NFIA: variants seen among roughly 807,000 people sequenced by gnomAD.
NFIA encodes nuclear factor I A, also known as nuclear factor 1 A-type.
NFIA carries 8 observed loss-of-function variants against 62.8 expected under a neutral mutation model. The observed-to-expected ratio is 0.13, with a 90% CI of 0.07 to 0.23. The LOEUF is 0.23. NFIA is among the 10% of genes least tolerant of loss of function. The pLI is 1.00. For synonymous variants in NFIA, 235 were observed against 238.1 expected, an observed-to-expected ratio of 0.99 and a Z score of 0.12; for missense variants, 410 against 642.1, an observed-to-expected ratio of 0.64 and a Z score of 3.91.
intron 9 of NFIA, among the ~76,000 whole-genome samples, chr1:61,422,614 C>A: frequency 6.6e-6 from 1 of 152,016 alleles, no homozygotes; most frequent in Non-Finnish European, 1.5e-5. Flanking sequence ...CCGTTCAGTC[C>A]TCTCAGGGAC....
intron 2 of NFIA, among the ~76,000 whole-genome samples, chr1:61,273,442 G>T (rs759718375): frequency 9.9e-5 from 15 of 152,180 alleles, no homozygotes; most frequent in Middle Eastern, 3.4e-3. Context: ...TCCCTTGCCA[G>T]GTCTCAAGAA....
intron 2 of NFIA, among the ~76,000 whole-genome samples, chr1:61,185,521 G>A (rs538780550): frequency 6.6e-6 from 1 of 151,864 alleles, no homozygotes; most frequent in Non-Finnish European, 1.5e-5. Context: ...ACTCTTCTGC[G>A]TAAGAACCTC....
intron 2 of NFIA, among the ~76,000 whole-genome samples, chr1:61,220,580 A>G (rs1336449005): frequency 2.0e-5 from 3 of 152,224 alleles, no homozygotes; most frequent in African/African-American, 7.2e-5. Flanking sequence ...AAACATATGA[A>G]TCCATTTAAT....
upstream of NFIA, among the ~76,000 whole-genome samples, chr1:61,080,243 A>G (rs1168383837): frequency 2.0e-5 from 3 of 152,282 alleles, no homozygotes; most frequent in African/African-American, 7.2e-5. Context: ...CAACAAAAGA[A>G]GTTTTTAAAG....
chr1:61,175,952 G>C (rs908730752), intron 2 of NFIA, among the ~76,000 whole-genome samples: 1 of 152,224 alleles, frequency 6.6e-6, no homozygotes, highest in Non-Finnish European at 1.5e-5. Flanking sequence ...AATTAATGCA[G>C]AGTGCCCCGG....
intron 2 of NFIA, among the ~76,000 whole-genome samples, chr1:61,141,653 T>C (rs1254286824): frequency 6.6e-6 from 1 of 152,244 alleles, no homozygotes; most frequent in East Asian, 1.9e-4. Flanking sequence ...TTAAGTTCTG[T>C]GTGACTCAGC....
chr1:61,245,389 C>T (rs1655577563), intron 2 of NFIA, among the ~76,000 whole-genome samples: 1 of 152,112 alleles, frequency 6.6e-6, no homozygotes, highest in South Asian at 2.1e-4. Flanking sequence ...AAAGTCCTAA[C>T]TATAGGCAAC....
Position 61,270,414 on chromosome 1 carries a change from A to C in NFIA, c.560-7106A>C, listed in dbSNP as rs547241920. Among the ~76,000 whole-genome samples, 15 of 149,710 alleles carry C rather than the reference A, an allele frequency of 1.0e-4. No individual in the cohort carries two copies. The South Asian group carries it at 3.2e-3, about 32-fold the overall frequency. On this transcript the variant is annotated intron_variant, in intron 2 of 10. Transcript: ENST00000403491. ...GGAATATGAATGCAAGAAAATTAGT[A>C]CTTTAAGGTGCTACCTGGACTTAAA...
chr1:61,268,460 C>T (rs1657311282), intron 2 of NFIA, among the ~76,000 whole-genome samples: 1 of 151,084 alleles, frequency 6.6e-6, no homozygotes, highest in Non-Finnish European at 1.5e-5. Context: ...CTTTTATTCT[C>T]ACCAGGAAGG....
chr1:61,186,847 A>T (rs1651219811), intron 2 of NFIA, among the ~76,000 whole-genome samples: 1 of 152,246 alleles, frequency 6.6e-6, no homozygotes, highest in Non-Finnish European at 1.5e-5. Context: ...AGAGAAGGAA[A>T]GTGAGCCAAA....
rs752078495 is a variant in NFIA, at chr1:61,406,617, TGCCACC to T, written c.1323_1328del (p.Pro443_Pro444del). 5 of 1,429,040 alleles carry T rather than the reference TGCCACC, an allele frequency of 3.5e-6. No homozygotes were observed. Among genetic ancestry groups the T allele is most frequent in the Non-Finnish European group, 3.8e-6 (4 of 1,065,282 alleles). 88.5% of individuals were successfully genotyped at this position (1,429,040 alleles called of 1,614,324 possible). ...AACCCATTCCTTCCCACCCCAATGTTGCCACCGCCACCGCCACCACCGATGGCCAGG... is the reference window on the plus strand; with the variant it reads ...AACCCATTCCTTCCCACCCCAATGTTGCCACCGCCACCACCGATGGCCAGG... On this transcript the variant is annotated inframe_deletion, in exon 9 of 11. Coordinates refer to ENST00000403491, the MANE Select transcript of NFIA (RefSeq NM_001134673.4).
At chr1:61,419,385 A>G (rs1007914814) in intron 9 of NFIA, among the ~76,000 whole-genome samples, 1 of 152,146 alleles carries the variant, frequency 6.6e-6, no homozygotes, top group African/African-American at 2.4e-5. Context: ...ATGAGCTATG[A>G]TGACATCACT....
At chr1:61,158,080 T>G (rs1648936275) in intron 2 of NFIA, among the ~76,000 whole-genome samples, 1 of 152,232 alleles carries the variant, frequency 6.6e-6, no homozygotes, top group Non-Finnish European at 1.5e-5. Context: ...TGACACATTA[T>G]CTCAGATAGA....
intron 10 of NFIA, among the ~76,000 whole-genome samples, chr1:61,453,016 T>A (rs913898466): frequency 4.6e-5 from 7 of 152,160 alleles, no homozygotes; most frequent in Non-Finnish European, 1.5e-5. Flanking sequence ...AAGAAAAGTG[T>A]GCAGAGTGAA....
At chr1:61,377,109 G>T (rs1032062782) in intron 6 of NFIA, among the ~76,000 whole-genome samples, 2 of 151,994 alleles carry the variant, frequency 1.3e-5, no homozygotes, top group Non-Finnish European at 2.9e-5. Flanking sequence ...TGTAGACCCA[G>T]CTACTCAGGA....
chr1:61,158,892 G>GT (rs1196262596), intron 2 of NFIA, among the ~76,000 whole-genome samples: 2 of 152,190 alleles, frequency 1.3e-5, no homozygotes, highest in African/African-American at 4.8e-5. Flanking sequence ...AGGAGCAGCT[G>GT]TTTTGTGCTT....
intron 10 of NFIA, among the ~76,000 whole-genome samples, chr1:61,454,840 A>G (rs1346780145): frequency 6.6e-6 from 1 of 152,132 alleles, no homozygotes; most frequent in Non-Finnish European, 1.5e-5. Flanking sequence ...GATGTTGAAA[A>G]TCATCAGAGT....
chr1:61,229,322 T>C (rs1275115709), intron 2 of NFIA, among the ~76,000 whole-genome samples: 1 of 152,212 alleles, frequency 6.6e-6, no homozygotes, highest in Non-Finnish European at 1.5e-5. Flanking sequence ...CAGTCATATA[T>C]TCTGAAAATA....
At position 61,353,557 on chromosome 1, in the gene NFIA, G is replaced by C. The variant is rs552595364; in HGVS notation, c.818+990G>C. Among the ~76,000 whole-genome samples the C allele has an allele frequency of 2.6e-5, 4 of 152,138 alleles. No homozygotes were observed. In the East Asian group the frequency reaches 7.7e-4, roughly 29 times the overall value. On this transcript the variant is annotated intron_variant, in intron 5 of 10. Transcript: ENST00000403491. ...ACTTTGCAGAAAAATGTCTGACAAA[G>C]GTATATTCCTCCTAAAGCAAGTACC... is the stretch of plus-strand genomic sequence containing the variant.
Sources: allele counts gnomAD v4.1 joint callset (sites outside exome capture counted in the v4.1 genomes callset), GRCh38; gene constraint gnomAD v4.1.1; transcripts MANE v1.5; gene names NCBI Gene and HGNC (gene_info 2026-07-23, HGNC 2026-07-21).